PPP3R1: variants seen among roughly 807,000 people sequenced by gnomAD.
The protein encoded by PPP3R1 is calcineurin subunit B type 1.
PPP3R1 carries 5 observed loss-of-function variants against 22.6 expected under a neutral mutation model. The ratio of observed to expected loss-of-function variants is 0.22; its 90% CI spans 0.12 to 0.46. The LOEUF is 0.46. Among genes scored for constraint, PPP3R1 ranks in the 20% least tolerant of loss-of-function variants. The pLI is 0.99. For missense variants in PPP3R1, 61 were observed against 203.2 expected (o/e 0.30, Z 4.25); for synonymous variants, 56 against 65.2 (o/e 0.86, Z 0.68).
chr2:68,218,610 A>AT (rs1417602539), intron 1 of PPP3R1, among the ~76,000 whole-genome samples: 2 of 126,350 alleles, frequency 1.6e-5, no homozygotes, highest in African/African-American at 6.0e-5. Context: ...TGCTGTCTTA[A>AT]TTTTTTTAAT....
intron 5 of PPP3R1, 147 bp downstream of exon 5, chr2:68,186,321 A>G: frequency 1.4e-6 from 1 of 703,966 alleles, no homozygotes; most frequent in South Asian, 2.1e-5. Flanking sequence ...AATTACAATG[A>G]AGAACACATT....
intron 2 of PPP3R1, among the ~76,000 whole-genome samples, chr2:68,202,745 T>C (rs1052467988): frequency 1.3e-5 from 2 of 151,368 alleles, no homozygotes; most frequent in African/African-American, 4.9e-5. Context: ...TTGAGACTAC[T>C]TGTTTAAAAA....
rs971604200 is a variant in PPP3R1, at chr2:68,179,884, G to C, written c.*1079C>G. The C allele has an allele frequency of 6.6e-6, 1 of 152,164 alleles. No individual in the cohort carries two copies. The highest frequency in any genetic ancestry group is 2.4e-5 in the African/African-American group (1 of 41,458). 9.4% of individuals were successfully genotyped at this position (152,164 alleles called of 1,614,324 possible). On this transcript the variant is annotated 3_prime_UTR_variant, in exon 6 of 6. Transcript: ENST00000234310. ...AACCACAAATATATGTGGGTGTTTA[G>C]ATACATACATGCATATTAAATATCA...
chr2:68,242,102 G>GA (rs938297146), intron 1 of PPP3R1, among the ~76,000 whole-genome samples: 5 of 152,152 alleles, frequency 3.3e-5, no homozygotes, highest in Admixed American at 2.0e-4. Context: ...AGTGTCTACT[G>GA]AATTAAACAT....
At chr2:68,242,467 G>C (rs919614964) in intron 1 of PPP3R1, among the ~76,000 whole-genome samples, 6 of 151,710 alleles carry the variant, frequency 4.0e-5, no homozygotes, top group African/African-American at 1.2e-4. Context: ...TGTACGAACA[G>C]ACGTTAACAG....
chr2:68,247,774 T>C (rs549413003), intron 1 of PPP3R1, among the ~76,000 whole-genome samples: 30 of 152,320 alleles, frequency 2.0e-4, no homozygotes, highest in Non-Finnish European at 2.8e-4. Flanking sequence ...CATAATCCAA[T>C]AGTTACCAAG....
At chr2:68,239,891 A>C (rs1670086334) in intron 1 of PPP3R1, among the ~76,000 whole-genome samples, 1 of 152,180 alleles carries the variant, frequency 6.6e-6, no homozygotes, top group Non-Finnish European at 1.5e-5. Flanking sequence ...CGCTAACTTA[A>C]AGCGGTTGAT....
intron 1 of PPP3R1, among the ~76,000 whole-genome samples, chr2:68,239,887 C>T (rs949221883): frequency 2.0e-5 from 3 of 152,166 alleles, no homozygotes; most frequent in African/African-American, 7.2e-5. Context: ...TGGTCGCTAA[C>T]TTAAAGCGGT....
At chr2:68,245,265 G>A (rs1332047803) in intron 1 of PPP3R1, among the ~76,000 whole-genome samples, 1 of 152,136 alleles carries the variant, frequency 6.6e-6, no homozygotes, top group African/African-American at 2.4e-5. Flanking sequence ...GGGAGGCTGA[G>A]GAGGGAGGAT....
At chr2:68,248,140 T>C (rs1670271992) in intron 1 of PPP3R1, among the ~76,000 whole-genome samples, 1 of 152,170 alleles carries the variant, frequency 6.6e-6, no homozygotes, top group Non-Finnish European at 1.5e-5. Flanking sequence ...TCTGGATGGC[T>C]TGTATATCTC....
At chr2:68,217,491 G>C (rs1669602454) in intron 1 of PPP3R1, among the ~76,000 whole-genome samples, 1 of 152,130 alleles carries the variant, frequency 6.6e-6, no homozygotes, top group Non-Finnish European at 1.5e-5. Context: ...TGATTTTGCA[G>C]TAGAGATTAG....
intron 1 of PPP3R1, among the ~76,000 whole-genome samples, chr2:68,222,766 A>G (rs1484506853): frequency 2.0e-5 from 3 of 152,226 alleles, no homozygotes; most frequent in Admixed American, 6.5e-5. Flanking sequence ...CTTTCTAGAC[A>G]TATGTATCTC....
intron 1 of PPP3R1, among the ~76,000 whole-genome samples, chr2:68,249,327 GC>G (rs1434354114): frequency 3.3e-5 from 5 of 151,268 alleles, no homozygotes; most frequent in Non-Finnish European, 7.4e-5. Context: ...AGTGGCCTTT[GC>G]CACAGAATCT....
chr2:68,212,484 GA>G (rs1386270057), intron 2 of PPP3R1, among the ~76,000 whole-genome samples: 1 of 152,190 alleles, frequency 6.6e-6, no homozygotes, highest in East Asian at 1.9e-4. Flanking sequence ...AATAAGACTG[GA>G]AAGTCGAAAT....
chr2:68,252,386 C>A lies in PPP3R1; in HGVS notation c.-259G>T. 1.0e-6 allele frequency: 1 copy of A among 1,002,388 alleles called. No individual in the cohort carries two copies. Among genetic ancestry groups the A allele is most frequent in the Non-Finnish European group, 1.2e-6 (1 of 842,592 alleles). 62.1% of individuals were successfully genotyped at this position (1,002,388 alleles called of 1,614,324 possible). ...CCGGAGAGCGCGGGAGGAGCAGCGG[C>A]GAGAGGCAGGAGAGGCAGAGAAGAA... On this transcript the variant is annotated 5_prime_UTR_variant, in exon 1 of 6. Transcript: ENST00000234310.
At chr2:68,232,096 TA>T (rs750643360) in intron 1 of PPP3R1, among the ~76,000 whole-genome samples, 6,843 of 73,758 alleles carry the variant, frequency 0.093, 354 homozygotes, top group African/African-American at 0.13. Context: ...CCGTATCTAC[TA>T]AAAAAAAAAA....
At chr2:68,212,098 G>A (rs1356243673) in intron 2 of PPP3R1, among the ~76,000 whole-genome samples, 1 of 149,500 alleles carries the variant, frequency 6.7e-6, no homozygotes, top group Non-Finnish European at 1.5e-5. Context: ...GTTTTTTTTT[G>A]GAGACAAGGT....
At chr2:68,194,660 G>C (rs986016947) in intron 2 of PPP3R1, among the ~76,000 whole-genome samples, 1 of 152,096 alleles carries the variant, frequency 6.6e-6, no homozygotes, top group Non-Finnish European at 1.5e-5. Flanking sequence ...TACACACCAA[G>C]CTGCTATTCA....
In PPP3R1 at chr2:68,207,221, T is replaced by TA. The variant is rs11317544; in HGVS notation, c.43+9870dup. On this transcript the variant is annotated intron_variant, in intron 2 of 5. Coordinates refer to ENST00000234310, the MANE Select transcript of PPP3R1 (RefSeq NM_000945.4). ...GATCCAAATAGTCAGGAAAATATGATAAAAAAAAAAAAAAAGCATGTAAGA... is the reference window on the plus strand; with the variant it reads ...GATCCAAATAGTCAGGAAAATATGATAAAAAAAAAAAAAAAAGCATGTAAGA... Among the ~76,000 whole-genome samples, 363 of 132,678 alleles carry TA rather than the reference T, an allele frequency of 2.7e-3. 2 individuals carry two copies. Among genetic ancestry groups the TA allele is most frequent in the African/African-American group, 7.2e-3 (268 of 37,480 alleles). 87.0% of individuals were successfully genotyped at this position (132,678 alleles called of 152,430 possible).
Sources: gnomAD v4.1 joint callset for allele counts (sites outside exome capture counted in the v4.1 genomes callset) on GRCh38, gnomAD v4.1.1 for gene constraint, MANE v1.5 for transcripts, NCBI Gene and HGNC (gene_info 2026-07-23, HGNC 2026-07-21) for gene names.